The following MYH13 variants were observed in gnomAD, a reference collection of about 807,000 sequenced individuals.
The protein encoded by MYH13 is myosin heavy chain 13.
A neutral mutation model predicts 232.1 loss-of-function variants in MYH13; 177 were observed. The observed-to-expected ratio is 0.76, with a 90% CI of 0.67 to 0.86. The LOEUF is 0.86. Among genes scored for constraint, MYH13 ranks in the 40% least tolerant of loss-of-function variants. The probability of loss-of-function intolerance (pLI) is 0.00; values close to 1 mark genes in which losing one functional copy is unlikely to be tolerated. For synonymous variants in MYH13, 884 were observed against 923.5 expected, an observed-to-expected ratio of 0.96 and a Z score of 0.78; for missense variants, 2,246 against 2,405.9, an observed-to-expected ratio of 0.93 and a Z score of 1.39.
chr17:10,354,479 C>G (rs2071733257), intron 11 of MYH13, among the ~76,000 whole-genome samples: 1 of 151,996 alleles, frequency 6.6e-6, no homozygotes, highest in Admixed American at 6.6e-5. Context: ...TTCTGGATTT[C>G]CATTTTGGAA....
At position 10,304,318 on chromosome 17, in the gene MYH13, T is replaced by C. The variant is rs138006637; in HGVS notation, c.5467-820A>G. Among the ~76,000 whole-genome samples, 218 of 152,340 alleles carry C rather than the reference T, an allele frequency of 1.4e-3. 2 individuals are homozygous for C. Among genetic ancestry groups the C allele is most frequent in the African/African-American group, 5.1e-3 (211 of 41,580 alleles). ...TGCCAAGATGTCTCCTCCTAGGTCT[T>C]AGGAGCCACATTTTATTGACAATGC... On this transcript the variant is annotated intron_variant, in intron 37 of 40. Coordinates refer to ENST00000252172, the MANE Select transcript of MYH13 (RefSeq NM_003802.3). The surrounding 1 kb of genome is among the most constrained non-coding windows in gnomAD (Gnocchi z 5.3).
At chr17:10,334,736 G>A (rs1431451754) in intron 18 of MYH13, among the ~76,000 whole-genome samples, 2 of 151,964 alleles carry the variant, frequency 1.3e-5, no homozygotes, top group South Asian at 2.1e-4. Flanking sequence ...AAAATTAGCC[G>A]GGCGTGGTGG....
chr17:10,362,477 GA>G lies in MYH13; in HGVS notation c.230del (p.Val77AlafsTer4). 1 of 1,614,182 alleles carries G rather than the reference GA, an allele frequency of 6.2e-7. No homozygotes were observed. Among genetic ancestry groups the G allele is most frequent in the South Asian group, 1.1e-5 (1 of 91,084 alleles). On this transcript the variant is annotated frameshift_variant, in exon 4 of 41. Transcript: ENST00000252172. LOFTEE classifies it high-confidence loss of function. Reference sequence around the variant, plus strand: ...CAAATTTGGGAGGGTTCATGGGGAAGACCTGGTCATTGTTCAGAGTGAGCAT... The same window carrying G: ...CAAATTTGGGAGGGTTCATGGGGAAGCCTGGTCATTGTTCAGAGTGAGCAT... ...DRMLTLNNDQ[V>X]FPMNPPKFDK...
At chr17:10,366,523 G>A (rs1597391255) in intron 2 of MYH13, among the ~76,000 whole-genome samples, 1 of 151,802 alleles carries the variant, frequency 6.6e-6, no homozygotes, top group East Asian at 1.9e-4. Context: ...TGGGATTACA[G>A]GCGCCCACCA....
At chr17:10,358,637 G>A (rs2071767720) in intron 7 of MYH13, among the ~76,000 whole-genome samples, 1 of 152,056 alleles carries the variant, frequency 6.6e-6, no homozygotes, top group Non-Finnish European at 1.5e-5. Context: ...GGTTCCTGTA[G>A]TCTTAGCTAC....
chr17:10,363,427 G>C (rs2071809703), intron 3 of MYH13, among the ~76,000 whole-genome samples: 1 of 151,954 alleles, frequency 6.6e-6, no homozygotes, highest in Non-Finnish European at 1.5e-5. Context: ...GGGTTTCACA[G>C]AAAAGATAAA....
At position 10,309,669 on chromosome 17, in the gene MYH13, A is replaced by G; in HGVS notation, c.4818T>C (p.Asp1606=). Residue 1606 remains aspartate (D), a synonymous_variant, in exon 34 of 41, where the codon GAT becomes GAC. Coordinates refer to ENST00000252172, the MANE Select transcript of MYH13 (RefSeq NM_003802.3). ...RAAEALQSVL[D]AEIRSRNDAL... ...CGTCGTTCCGGCTGCGGATTTCAGC[A>G]TCCAGCACGCTCTGCAGGGCCTCTG... 1 of 1,610,548 alleles carries G rather than the reference A, an allele frequency of 6.2e-7. No homozygotes were observed. Among genetic ancestry groups the G allele is most frequent in the Non-Finnish European group, 8.5e-7 (1 of 1,178,380 alleles).
intron 20 of MYH13, 34 bp from the exon 21 acceptor site, chr17:10,330,557 T>TC (rs1567663857): frequency 6.3e-7 from 1 of 1,579,292 alleles, no homozygotes; most frequent in Non-Finnish European, 8.6e-7. Context: ...TTGATCTTTT[T>TC]CCCCAGCAGG....
chr17:10,329,869 G>A (rs1236378244), intron 21 of MYH13, among the ~76,000 whole-genome samples: 4 of 152,076 alleles, frequency 2.6e-5, no homozygotes, highest in Non-Finnish European at 5.9e-5. Context: ...GCGTGGTGGT[G>A]CATGCCTGTA....
chr17:10,328,401 G>T (rs1907291961), intron 21 of MYH13, among the ~76,000 whole-genome samples: 1 of 152,216 alleles, frequency 6.6e-6, no homozygotes, highest in African/African-American at 2.4e-5. Context: ...AGAGTGCCCT[G>T]CCTGAGGGCG....
chr17:10,328,085 A>G lies in MYH13; in HGVS notation c.2472T>C (p.Ser824=), dbSNP rs1177984741. The G allele has an allele frequency of 1.9e-6, 3 of 1,614,156 alleles. No homozygotes were observed. The highest frequency in any genetic ancestry group is 1.7e-5 in the Admixed American group (1 of 60,022). The change falls in exon 22 of 41, where the codon TCT becomes TCC. Residue 824 remains serine (S), a synonymous_variant. Coordinates refer to ENST00000252172, the MANE Select transcript of MYH13 (RefSeq NM_003802.3). Reference sequence around the variant, plus strand: ...AGGGCCAGTGCTTGACGTTCATAAAAGAGCGGATGTTGTACTGGATGCAGA... The same window carrying G: ...AGGGCCAGTGCTTGACGTTCATAAAGGAGCGGATGTTGTACTGGATGCAGA... ...SIFCIQYNIR[S]FMNVKHWPWM... is the part of the protein sequence containing the mutation.
chr17:10,346,821 C>G (rs755807209), intron 12 of MYH13, 23 bp from the exon 13 acceptor site: 2 of 1,582,698 alleles, frequency 1.3e-6, no homozygotes, highest in South Asian at 1.1e-5. Flanking sequence ...AAAAAAATGG[C>G]ATCATGCAAA....
chr17:10,361,791 C>A (rs1249258779), intron 5 of MYH13, among the ~76,000 whole-genome samples: 2 of 152,356 alleles, frequency 1.3e-5, no homozygotes, highest in African/African-American at 4.8e-5. Context: ...TCCAACGTAG[C>A]ATTCCCTGAG....
At chr17:10,322,307 A>C (rs1906980953) in intron 23 of MYH13, among the ~76,000 whole-genome samples, 1 of 152,098 alleles carries the variant, frequency 6.6e-6, no homozygotes, top group Admixed American at 6.5e-5. Context: ...CTGAAACAGG[A>C]GAATCGCTTG....
chr17:10,330,905 T>C (rs1035765773), intron 20 of MYH13, among the ~76,000 whole-genome samples: 2 of 151,994 alleles, frequency 1.3e-5, no homozygotes, highest in African/African-American at 4.8e-5. Flanking sequence ...TAATCCCAGA[T>C]ACTCAGGAGG....
rs532510253 is a variant in MYH13, at chr17:10,326,162, C to T, written c.2691+1704G>A. Among the ~76,000 whole-genome samples the T allele has an allele frequency of 9.2e-5, 14 of 152,270 alleles. No homozygotes were observed. The South Asian group carries it at 1.7e-3, about 18-fold the overall frequency. ...ACTCTGACTATGCCCATTTTACAGA[C>T]GAGATAACAGAAGCACAAAGAGGAT... On this transcript the variant is annotated intron_variant, in intron 22 of 40. Transcript: ENST00000252172.
chr17:10,371,031 T>G (rs1368052776), intron 2 of MYH13, among the ~76,000 whole-genome samples, 178 bp downstream of exon 2: 3 of 152,234 alleles, frequency 2.0e-5, no homozygotes, highest in Non-Finnish European at 2.9e-5. Context: ...GGAGAAGCCA[T>G]TCTTCCTTTG....
chr17:10,343,737 G>C (rs2071637086), intron 16 of MYH13, 63 bp downstream of exon 16: 52 of 1,477,620 alleles, frequency 3.5e-5, no homozygotes, highest in Non-Finnish European at 4.6e-5. Context: ...TTCACAAGCA[G>C]CTCTGGGTTA....
intron 18 of MYH13, 56 bp from the exon 19 acceptor site, chr17:10,333,247 G>T: frequency 1.6e-6 from 2 of 1,262,082 alleles, no homozygotes; most frequent in Middle Eastern, 1.9e-4. Context: ...GTTGTTGATG[G>T]TCTGAGGCAC....
Sources: gnomAD v4.1 joint callset for allele counts (sites outside exome capture counted in the v4.1 genomes callset) on GRCh38, gnomAD v4.1.1 for gene constraint, Gnocchi (gnomAD v3.1) non-coding constraint, MANE v1.5 for transcripts, NCBI Gene and HGNC (gene_info 2026-07-23, HGNC 2026-07-21) for gene names.